The following SCUBE1 variants were observed in gnomAD, a reference collection of about 807,000 sequenced individuals.
SCUBE1 encodes the protein signal peptide, CUB and EGF-like domain-containing protein 1.
SCUBE1 carries 59 observed loss-of-function variants against 124.4 expected under a neutral mutation model. The ratio of observed to expected loss-of-function variants is 0.47; its 90% CI spans 0.38 to 0.59. The LOEUF is 0.59. SCUBE1 is among the 20% of genes least tolerant of loss of function. The pLI is 0.00. For synonymous variants in SCUBE1, 545 were observed against 550.9 expected, an observed-to-expected ratio of 0.99 and a Z score of 0.15; for missense variants, 1,150 against 1,371.2, an observed-to-expected ratio of 0.84 and a Z score of 2.55.
At position 43,330,955 on chromosome 22, in the gene SCUBE1, T is replaced by C. The variant is rs1243167191; in HGVS notation, c.220+8149A>G. Among the ~76,000 whole-genome samples, 3 of 152,316 alleles carry C rather than the reference T, an allele frequency of 2.0e-5. No homozygotes were observed. The East Asian group carries it at 5.8e-4, about 29-fold the overall frequency. On this transcript the variant is annotated intron_variant, in intron 2 of 21. Coordinates refer to ENST00000360835, the MANE Select transcript of SCUBE1 (RefSeq NM_173050.5). ...GAAGAATTTCCCCTTCTCTCCCCGC[T>C]GAGCCTCCCACCGCCTACTGCCTTT...
intron 7 of SCUBE1, among the ~76,000 whole-genome samples, chr22:43,232,856 C>T (rs538296388): frequency 6.6e-6 from 1 of 152,322 alleles, no homozygotes; most frequent in South Asian, 2.1e-4. Flanking sequence ...CTGGGCTTTG[C>T]CCTTAGGCCT....
intron 2 of SCUBE1, among the ~76,000 whole-genome samples, chr22:43,324,709 G>A (rs1369433877): frequency 6.6e-6 from 1 of 151,844 alleles, no homozygotes; most frequent in Non-Finnish European, 1.5e-5. Flanking sequence ...CACTCATCAG[G>A]CTCAGACCAC....
chr22:43,296,199 T>C (rs532988853), intron 3 of SCUBE1, among the ~76,000 whole-genome samples: 1 of 152,318 alleles, frequency 6.6e-6, no homozygotes, highest in East Asian at 1.9e-4. Context: ...CCAGCTCTGT[T>C]CGGGTCCCCA....
intron 4 of SCUBE1, among the ~76,000 whole-genome samples, chr22:43,289,303 C>T (rs1925266156): frequency 6.6e-6 from 1 of 152,224 alleles, no homozygotes; most frequent in South Asian, 2.1e-4. Context: ...TAGGGTTTGC[C>T]TCCACCGTGG....
At chr22:43,298,191 T>C (rs570573317) in intron 3 of SCUBE1, among the ~76,000 whole-genome samples, 1 of 152,094 alleles carries the variant, frequency 6.6e-6, no homozygotes, top group Non-Finnish European at 1.5e-5. Flanking sequence ...TACACACGGG[T>C]CTTAGAGCTT....
At chr22:43,238,212 A>T in intron 7 of SCUBE1, 1 of 155,552 alleles carries the variant, frequency 6.4e-6, no homozygotes, top group Admixed American at 6.4e-5. Flanking sequence ...CCAGCAGGCC[A>T]GCCCTGTCCC....
At chr22:43,342,054 T>C (rs1004441195) in intron 1 of SCUBE1, among the ~76,000 whole-genome samples, 1 of 151,696 alleles carries the variant, frequency 6.6e-6, no homozygotes, top group South Asian at 2.1e-4. Context: ...GCATCCTCAC[T>C]CGGGGCACGC....
In SCUBE1 at chr22:43,342,972, G is replaced by T. The variant is rs1180199435; in HGVS notation, c.88+202C>A. 4.9e-5 allele frequency among the ~76,000 whole-genome samples: 6 copies of T among 122,500 alleles called. No individual in the cohort carries two copies. The East Asian group carries it at 1.4e-3, about 29-fold the overall frequency. The allele number at this position is 122,500 out of a possible 152,430, so 80.4% of individuals were successfully genotyped here. A position where few individuals can be genotyped will look rare whatever the true frequency, so the allele number is the denominator to read the frequency against. The stretch of plus-strand genomic sequence containing the variant: ...GCCCACCCACCCCTGGTGCGGCCCC[G>T]CCGGACTCAGGAGCCCCGGCCGCCC... On this transcript the variant is annotated intron_variant, in intron 1 of 21. Transcript: ENST00000360835.
intron 7 of SCUBE1, among the ~76,000 whole-genome samples, chr22:43,236,779 G>A (rs1922781139): frequency 6.6e-6 from 1 of 152,142 alleles, no homozygotes; most frequent in Non-Finnish European, 1.5e-5. Context: ...AGCAGCCTGT[G>A]ATACTCAATT....
chr22:43,287,577 C>T (rs550463605), intron 4 of SCUBE1, among the ~76,000 whole-genome samples: 2 of 152,314 alleles, frequency 1.3e-5, no homozygotes, highest in African/African-American at 4.8e-5. Flanking sequence ...GAGTCTGGAC[C>T]GACCTGGGCC....
At chr22:43,320,629 T>C (rs912273232) in intron 2 of SCUBE1, among the ~76,000 whole-genome samples, 3 of 152,210 alleles carry the variant, frequency 2.0e-5, no homozygotes, top group Non-Finnish European at 4.4e-5. Flanking sequence ...CCCTGGAGAA[T>C]GATAGGAACA....
chr22:43,288,636 C>T (rs1925240104), intron 4 of SCUBE1, among the ~76,000 whole-genome samples: 1 of 152,244 alleles, frequency 6.6e-6, no homozygotes, highest in Admixed American at 6.5e-5. Context: ...CTCATCAGCT[C>T]CAGCACCGTC....
rs568403827 is a variant in SCUBE1, at chr22:43,255,389, A to G, written c.727+2830T>C. The G allele has an allele frequency of 1.9e-6, 2 of 1,035,772 alleles. No homozygotes were observed. The highest frequency in any genetic ancestry group is 2.9e-6 in the Non-Finnish European group (2 of 682,192). The allele number at this position is 1,035,772 out of a possible 1,614,324, so 64.2% of individuals were successfully genotyped here. A position where few individuals can be genotyped will look rare whatever the true frequency, so the allele number is the denominator to read the frequency against. On this transcript the variant is annotated intron_variant, in intron 6 of 21. Transcript: ENST00000360835. This position sits in a 1 kb window ranked among gnomAD's most constrained non-coding sequence, Gnocchi z 4.7. ...CACGTCACACCCACACACAGCACAC[A>G]CACGCCCATGTCCACATGCCAGTGC...
At position 43,262,836 on chromosome 22, in the gene SCUBE1, T is replaced by A. The variant is rs1923921931; in HGVS notation, c.494A>T (p.Asn165Ile). The A allele has an allele frequency of 6.8e-6, 11 of 1,612,866 alleles. No individual in the cohort carries two copies. The highest frequency in any genetic ancestry group is 7.6e-6 in the Non-Finnish European group (9 of 1,178,878). The change falls in exon 5 of 22, where the codon AAC becomes ATC. Residue 165 changes from asparagine to isoleucine, a missense_variant. By Grantham distance (149) the Asn-to-Ile change is moderately radical (BLOSUM62 -3). Coordinates refer to ENST00000360835, the MANE Select transcript of SCUBE1 (RefSeq NM_173050.5). ...ACAGCCATGGTCTTTGTTCATGCAG[T>A]TCATACCCTCTGGGAAGAGAGACAG... Reference protein sequence around the residue: ...TCIHRSNEGMNCMNKDHGCAH... With the variant: ...TCIHRSNEGMICMNKDHGCAH...
chr22:43,198,396 G>T lies in SCUBE1; in HGVS notation c.*5601C>A, dbSNP rs1335876131. 1 of 378,790 alleles carries T rather than the reference G, an allele frequency of 2.6e-6. No individual in the cohort carries two copies. The highest frequency in any genetic ancestry group is 5.3e-6 in the Non-Finnish European group (1 of 188,614). The allele number at this position is 378,790 out of a possible 1,614,324, so 23.5% of individuals were successfully genotyped here. On this transcript the variant is annotated 3_prime_UTR_variant, in exon 22 of 22. Transcript: ENST00000360835. The stretch of plus-strand genomic sequence containing the variant: ...GTTGTCTGGGCTTCAAGGATGCTTT[G>T]CCCACACCTGATGTCCTTTCCAAGA...
chr22:43,289,843 G>C (rs1288297232), intron 4 of SCUBE1, among the ~76,000 whole-genome samples: 5 of 152,214 alleles, frequency 3.3e-5, no homozygotes, highest in Non-Finnish European at 7.3e-5. Context: ...GGCTGGCCTG[G>C]AGCCCAGTGC....
rs1406255951 is a variant in SCUBE1 at position 43,262,773 on chromosome 22, G to T, written c.557C>A (p.Ala186Asp). 4 of 1,614,020 alleles carry T rather than the reference G, an allele frequency of 2.5e-6. No individual in the cohort carries two copies. The Admixed American group carries it at 6.7e-5, about 27-fold the overall frequency. The part of the protein sequence containing the change: ...ICRETPKGGV[A>D]CDCRPGFDLA... The stretch of plus-strand genomic sequence containing the variant: ...GTCAAAGCCGGGCCTGCAGTCGCAG[G>T]CCACCCCACCTTTGGGCGTCTCCCG... Residue 186 changes from alanine (A) to aspartate (D), a missense_variant, in exon 5 of 22, where the codon GCC (alanine) becomes GAC (aspartate). Physicochemically the swap from Ala to Asp is moderately radical, Grantham distance 126. This residue lies in a region of SCUBE1 where 337 missense variants were observed against 482.1 expected (regional missense o/e 0.70). Coordinates refer to ENST00000360835, the MANE Select transcript of SCUBE1 (RefSeq NM_173050.5).
chr22:43,218,953 T>C (rs1171030069), intron 14 of SCUBE1, among the ~76,000 whole-genome samples: 1 of 152,252 alleles, frequency 6.6e-6, no homozygotes, highest in African/African-American at 2.4e-5. Context: ...CTCCTCTCTC[T>C]GACCTCTGTG....
At position 43,211,027 on chromosome 22, in the gene SCUBE1, G is replaced by C; in HGVS notation, c.2278C>G (p.Pro760Ala). The part of the protein sequence containing the change: ...NTTTHRCIRC[P>A]VGTYQPEFGQ... Reference sequence around the variant, plus strand: ...AACTCGGGCTGGTAGGTGCCGACGGGGCAGCGGATGCAGCGGTGGGTGGTG... The same window carrying C: ...AACTCGGGCTGGTAGGTGCCGACGGCGCAGCGGATGCAGCGGTGGGTGGTG... Residue 760 changes from proline (P) to alanine (A), a missense_variant, in exon 18 of 22, where the codon CCC becomes GCC. Physicochemically the swap from Pro to Ala is conservative, Grantham distance 27. Around this residue, in one of 3 missense-constraint regions of SCUBE1, gnomAD observed 757 missense variants for 840.9 expected, o/e 0.90. Coordinates refer to ENST00000360835, the MANE Select transcript of SCUBE1 (RefSeq NM_173050.5). This position sits in a 1 kb window ranked among gnomAD's most constrained non-coding sequence, Gnocchi z 4.5. 1 of 1,614,126 alleles carries C rather than the reference G, an allele frequency of 6.2e-7. No homozygotes were observed. Among genetic ancestry groups the C allele is most frequent in the African/African-American group, 1.3e-5 (1 of 75,056 alleles).
Sources: gnomAD v4.1 joint callset for allele counts (sites outside exome capture counted in the v4.1 genomes callset) on GRCh38, gnomAD v4.1.1 for gene constraint, gnomAD v4.1.1 regional missense constraint, Gnocchi (gnomAD v3.1) non-coding constraint, MANE v1.5 for transcripts, NCBI Gene and HGNC (gene_info 2026-07-23, HGNC 2026-07-21) for gene names.